The following BAZ2B variants were observed in gnomAD, a reference collection of about 807,000 sequenced individuals.
BAZ2B encodes the protein bromodomain adjacent to zinc finger domain protein 2B.
In BAZ2B, 91 loss-of-function variants were observed where a neutral mutation model predicts 246.0. That is an observed-to-expected ratio of 0.37 (90% CI 0.31 to 0.44). The LOEUF (loss-of-function observed/expected upper bound fraction) is 0.44, where lower values mean the gene tolerates loss of function less well. Among genes scored for constraint, BAZ2B ranks in the 20% least tolerant of loss-of-function variants. The pLI is 1.00. For missense variants in BAZ2B, 2,332 were observed against 2,533.7 expected (o/e 0.92, Z 1.71); for synonymous variants, 855 against 860.0 (o/e 0.99, Z 0.10).
intron 13 of BAZ2B, among the ~76,000 whole-genome samples, chr2:159,420,615 G>A (rs770511923): frequency 6.6e-6 from 1 of 152,016 alleles, no homozygotes; most frequent in Non-Finnish European, 1.5e-5. Flanking sequence ...GCTTTTCAAG[G>A]TAGATCATCA....
At chr2:159,503,364 A>T (rs1240838659) in intron 2 of BAZ2B, among the ~76,000 whole-genome samples, 4 of 152,022 alleles carry the variant, frequency 2.6e-5, no homozygotes, top group Admixed American at 2.6e-4. Context: ...TTAGTGCATG[A>T]TGTTTGTTCT....
chr2:159,534,099 T>A (rs2085668024), intron 2 of BAZ2B, among the ~76,000 whole-genome samples: 1 of 152,232 alleles, frequency 6.6e-6, no homozygotes, highest in Non-Finnish European at 1.5e-5. Flanking sequence ...AAACCTTGTA[T>A]CTATTCCTAT....
chr2:159,371,391 G>A (rs957155666), intron 27 of BAZ2B, among the ~76,000 whole-genome samples: 5 of 152,102 alleles, frequency 3.3e-5, no homozygotes, highest in Non-Finnish European at 5.9e-5. Context: ...TGATCTGTCT[G>A]CCTTGGCCTC....
chr2:159,575,467 G>C (rs1685082151), intron 1 of BAZ2B, among the ~76,000 whole-genome samples: 1 of 152,152 alleles, frequency 6.6e-6, no homozygotes, highest in South Asian at 2.1e-4. Flanking sequence ...GGATATAAAG[G>C]TAAATGGAGG....
intron 5 of BAZ2B, among the ~76,000 whole-genome samples, chr2:159,447,897 G>A (rs1158351766): frequency 6.6e-6 from 1 of 152,172 alleles, no homozygotes; most frequent in Non-Finnish European, 1.5e-5. Flanking sequence ...AGTATTGCTT[G>A]AGGCCAGAAG....
At chr2:159,341,935 C>G (rs1033045530) in intron 31 of BAZ2B, among the ~76,000 whole-genome samples, 13 of 152,014 alleles carry the variant, frequency 8.6e-5, no homozygotes, top group Non-Finnish European at 1.2e-4. Flanking sequence ...TTCAAGTAAA[C>G]AATCTAGCAA....
In BAZ2B at chr2:159,429,188, T is replaced by A; in HGVS notation, c.2255+12A>T. ...GGGGGAAAAAGAAAAAGGAAAACCT[T>A]ATTTTGCATACCCATATTCCAATGG... On this transcript the variant is annotated intron_variant, in intron 11 of 36. Transcript: ENST00000392783. 1 of 1,517,200 alleles carries A rather than the reference T, an allele frequency of 6.6e-7. No individual in the cohort carries two copies. The highest frequency in any genetic ancestry group is 8.9e-7 in the Non-Finnish European group (1 of 1,126,490). 94.0% of individuals were successfully genotyped at this position (1,517,200 alleles called of 1,614,324 possible). A position where few individuals can be genotyped will look rare whatever the true frequency, so the allele number is the denominator to read the frequency against.
chr2:159,621,744 G>C, the BAZ2B span, among the ~76,000 whole-genome samples: 1 of 152,178 alleles, frequency 6.6e-6, no homozygotes, highest in South Asian at 2.1e-4. Flanking sequence ...GGCCAAGGCG[G>C]GAGGACTGTT....
chr2:159,580,863 T>C (rs1285791501), intron 1 of BAZ2B, among the ~76,000 whole-genome samples: 1 of 152,014 alleles, frequency 6.6e-6, no homozygotes, highest in Admixed American at 6.6e-5. Flanking sequence ...TGGCTAGCCA[T>C]ATGTAGAAAG....
intron 31 of BAZ2B, among the ~76,000 whole-genome samples, chr2:159,344,598 T>C (rs569025656): frequency 3.3e-5 from 5 of 149,886 alleles, no homozygotes; most frequent in East Asian, 2.0e-4. Flanking sequence ...CTATACACAA[T>C]AGCCAAAATA....
At chr2:159,655,316 T>C in the BAZ2B span, among the ~76,000 whole-genome samples, 8 of 152,168 alleles carry the variant, frequency 5.3e-5, no homozygotes, top group African/African-American at 1.9e-4. Flanking sequence ...AATTTTGTGG[T>C]ATATAGTATT....
chr2:159,421,463 C>G (rs1411819789), intron 13 of BAZ2B, among the ~76,000 whole-genome samples: 2 of 152,128 alleles, frequency 1.3e-5, no homozygotes, highest in African/African-American at 4.8e-5. Context: ...GTATGAGCCA[C>G]TGTGCTGGGC....
At chr2:159,428,543 C>A in intron 11 of BAZ2B, 124 bp from the exon 12 acceptor site, 2 of 583,796 alleles carry the variant, frequency 3.4e-6, no homozygotes, top group South Asian at 6.4e-5. Flanking sequence ...AAATAAACTC[C>A]TCAAACAACC....
At chr2:159,316,047 AC>A (rs1256029472), downstream of BAZ2B, among the ~76,000 whole-genome samples, 4 of 152,224 alleles carry the variant, frequency 2.6e-5, no homozygotes, top group African/African-American at 9.6e-5. Flanking sequence ...GTGTGTACAT[AC>A]GTATTTTTCA....
chr2:159,547,159 G>A (rs1448179070), intron 2 of BAZ2B, among the ~76,000 whole-genome samples: 3 of 152,134 alleles, frequency 2.0e-5, no homozygotes, highest in African/African-American at 7.2e-5. Flanking sequence ...TTGCAAGCAT[G>A]AGATGTGCTA....
At chr2:159,487,837 T>A (rs1174849300) in intron 2 of BAZ2B, among the ~76,000 whole-genome samples, 1 of 151,414 alleles carries the variant, frequency 6.6e-6, no homozygotes, top group Non-Finnish European at 1.5e-5. Context: ...AGTCTGGGAT[T>A]ATGTTAAATG....
At chr2:159,321,545 A>C (rs1315089070) in intron 36 of BAZ2B, among the ~76,000 whole-genome samples, 2 of 152,242 alleles carry the variant, frequency 1.3e-5, no homozygotes, top group African/African-American at 4.8e-5. Context: ...AAAACATGGT[A>C]CTTAAACACA....
At chr2:159,388,091 C>T (rs770022432) in intron 21 of BAZ2B, among the ~76,000 whole-genome samples, 11 of 151,674 alleles carry the variant, frequency 7.3e-5, no homozygotes, top group Non-Finnish European at 1.3e-4. Flanking sequence ...CTAACCTGCA[C>T]ATTGTGCACA....
chr2:159,675,917 A>AG, the BAZ2B span, among the ~76,000 whole-genome samples: 1 of 151,956 alleles, frequency 6.6e-6, no homozygotes, highest in Non-Finnish European at 1.5e-5. Flanking sequence ...TCTTTTTTTG[A>AG]GACGGAGTCT....
Sources: allele counts gnomAD v4.1 joint callset (sites outside exome capture counted in the v4.1 genomes callset), GRCh38; gene constraint gnomAD v4.1.1; transcripts MANE v1.5; gene names NCBI Gene and HGNC (gene_info 2026-07-23, HGNC 2026-07-21).